Variants in LRRN1 observed in about 807,000 individuals in gnomAD.
LRRN1 encodes the protein leucine rich repeat neuronal 1.
LRRN1 carries 14 observed loss-of-function variants against 45.8 expected under a neutral mutation model. The ratio of observed to expected loss-of-function variants is 0.31; its 90% confidence interval spans 0.20 to 0.48. The LOEUF (loss-of-function observed/expected upper bound fraction) is 0.48. Ranked by LOEUF, LRRN1 falls within the 20% of genes least tolerant of loss-of-function variation. LRRN1 has a pLI of 0.99. For synonymous variants in LRRN1, 359 were observed against 330.1 expected (o/e 1.09, Z -0.95); for missense variants, 789 against 874.2 (o/e 0.90, Z 1.23).
intron 1 of LRRN1, among the ~76,000 whole-genome samples, chr3:3,814,013 T>C (rs1287735643): frequency 2.0e-5 from 3 of 151,914 alleles, no homozygotes; most frequent in Admixed American, 6.6e-5. Flanking sequence ...CTCCCTCCCC[T>C]GTCTGCACAT....
At chr3:3,842,383 T>C (rs1342862511) in intron 1 of LRRN1, among the ~76,000 whole-genome samples, 1 of 151,894 alleles carries the variant, frequency 6.6e-6, no homozygotes, top group African/African-American at 2.4e-5. Context: ...GTCTCACACT[T>C]GCCAGAATCT....
chr3:3,816,850 A>G lies in LRRN1; in HGVS notation c.-279+16931A>G, dbSNP rs1276424733. ...TGGTATCACAGAAAGGCCCTGTGCA[A>G]CGAACTTGACTTTAACTTCAGCTGG... On this transcript the variant is annotated intron_variant, in intron 1 of 1. Transcript: ENST00000319331. The surrounding 1 kb of genome is among the most constrained non-coding windows in gnomAD (Gnocchi z 4.0). Among the ~76,000 whole-genome samples, 1 of 152,192 alleles carries G rather than the reference A, an allele frequency of 6.6e-6. No individual in the cohort carries two copies. Among genetic ancestry groups the G allele is most frequent in the Non-Finnish European group, 1.5e-5 (1 of 68,042 alleles).
At chr3:3,818,939 G>A (rs1476660790) in intron 1 of LRRN1, among the ~76,000 whole-genome samples, 1 of 152,050 alleles carries the variant, frequency 6.6e-6, no homozygotes, top group African/African-American at 2.4e-5. Flanking sequence ...GATAAAATAA[G>A]CATTCATATA....
chr3:3,836,549 C>G (rs1181711293), intron 1 of LRRN1, among the ~76,000 whole-genome samples: 1 of 151,988 alleles, frequency 6.6e-6, no homozygotes, highest in Non-Finnish European at 1.5e-5. Flanking sequence ...ATGTACACAC[C>G]ACATTTTCGT....
At chr3:3,844,104 A>C (rs1693703241) in intron 1 of LRRN1, among the ~76,000 whole-genome samples, 1 of 152,174 alleles carries the variant, frequency 6.6e-6, no homozygotes. Flanking sequence ...AAATGTACAC[A>C]GTCATATATG....
intron 1 of LRRN1, among the ~76,000 whole-genome samples, chr3:3,821,457 T>C (rs1037603381): frequency 1.3e-5 from 2 of 152,124 alleles, no homozygotes; most frequent in Non-Finnish European, 2.9e-5. Flanking sequence ...ACATGTACCT[T>C]TTCTTTTTTT....
chr3:3,838,890 A>G (rs1004920375), intron 1 of LRRN1, among the ~76,000 whole-genome samples: 3 of 152,092 alleles, frequency 2.0e-5, no homozygotes, highest in Admixed American at 6.6e-5. Flanking sequence ...GGAGTTTATA[A>G]TATATTCTGG....
intron 1 of LRRN1, among the ~76,000 whole-genome samples, chr3:3,810,077 G>C (rs1692844073): frequency 6.6e-6 from 1 of 152,224 alleles, no homozygotes; most frequent in Non-Finnish European, 1.5e-5. Context: ...GGATTCCACT[G>C]ATGTGCTTTG....
At position 3,799,565 on chromosome 3, in the gene LRRN1, AGGCGCCTGG is replaced by A. The variant is rs1432795498; in HGVS notation, c.-625_-617del. On this transcript the variant is annotated 5_prime_UTR_variant, in exon 1 of 2. Coordinates refer to ENST00000319331, the MANE Select transcript of LRRN1 (RefSeq NM_020873.7). ...CGTCAGCCCGGGCGGCGGCATCCCT[AGGCGCCTGG>A]GGCGCCTTCCTCCGGACCTGGCCGC... 8 of 152,038 alleles carry A rather than the reference AGGCGCCTGG, an allele frequency of 5.3e-5. 1 individual carries two copies. Among genetic ancestry groups the A allele is most frequent in the Admixed American group, 5.2e-4 (8 of 15,262 alleles). 9.4% of individuals were successfully genotyped at this position (152,038 alleles called of 1,614,324 possible).
chr3:3,844,755 T>C lies in LRRN1; in HGVS notation c.114T>C (p.Cys38=), dbSNP rs1329718361. The change falls in exon 2 of 2, where the codon TGT becomes TGC. Residue 38 remains cysteine, a synonymous_variant. Transcript: ENST00000319331. The stretch of plus-strand genomic sequence containing the variant: ...GTGAGTGTCCACAACTTTGCGTATG[T>C]GAAATTCGTCCCTGGTTTACCCCAC... ...QNSECPQLCV[C]EIRPWFTPQS... 7 of 1,614,034 alleles carry C rather than the reference T, an allele frequency of 4.3e-6. No homozygotes were observed. In the South Asian group the frequency reaches 7.7e-5, roughly 18 times the overall value.
At chr3:3,800,480 C>T (rs62247368) in intron 1 of LRRN1, among the ~76,000 whole-genome samples, 11,117 of 151,904 alleles carry the variant, frequency 0.073, 484 homozygotes, top group Non-Finnish European at 0.083. Flanking sequence ...TGACAAGGCA[C>T]TGAAAGTATT....
Position 3,846,924 on chromosome 3 carries a change from G to C in LRRN1, c.*132G>C, listed in dbSNP as rs2106473733. The C allele has an allele frequency of 1.4e-6, 1 of 728,408 alleles. No individual in the cohort carries two copies. Among genetic ancestry groups the C allele is most frequent in the Non-Finnish European group, 2.2e-6 (1 of 458,004 alleles). The allele number at this position is 728,408 out of a possible 1,614,324, so 45.1% of individuals were successfully genotyped here. On this transcript the variant is annotated 3_prime_UTR_variant, in exon 2 of 2. Transcript: ENST00000319331. This position sits in a 1 kb window ranked among gnomAD's most constrained non-coding sequence, Gnocchi z 5.7. Reference sequence around the variant, plus strand: ...TGTGGCAGAGTGGAGAGGACGGGTGGATATTTCAAATTTTTTTAGTATAGC... The same window carrying C: ...TGTGGCAGAGTGGAGAGGACGGGTGCATATTTCAAATTTTTTTAGTATAGC...
rs201278689 is a variant in LRRN1, at chr3:3,846,828, C to G, written c.*36C>G. The G allele has an allele frequency of 4.6e-5, 69 of 1,506,652 alleles. No homozygotes were observed. Among genetic ancestry groups the G allele is most frequent in the Non-Finnish European group, 6.1e-5 (68 of 1,115,240 alleles). 93.3% of individuals were successfully genotyped at this position (1,506,652 alleles called of 1,614,324 possible). A position where few individuals can be genotyped will look rare whatever the true frequency, so the allele number is the denominator to read the frequency against. On this transcript the variant is annotated 3_prime_UTR_variant, in exon 2 of 2. Transcript: ENST00000319331. The surrounding 1 kb of genome is among the most constrained non-coding windows in gnomAD (Gnocchi z 5.7). ...ATTTTGCTTCTGGTAGTAAGGAGCA[C>G]AAAGACGTTTTTGCTTTATTCTGCA...
At chr3:3,833,669 T>C in intron 1 of LRRN1, among the ~76,000 whole-genome samples, 1 of 152,096 alleles carries the variant, frequency 6.6e-6, no homozygotes, top group Non-Finnish European at 1.5e-5. Context: ...AGAATCAACA[T>C]TATTTTGCCT....
chr3:3,815,128 C>T (rs1190918927), intron 1 of LRRN1, among the ~76,000 whole-genome samples: 1 of 152,146 alleles, frequency 6.6e-6, no homozygotes, highest in Non-Finnish European at 1.5e-5. Flanking sequence ...GCTACTGTGG[C>T]ATAACCAAAA....
chr3:3,830,161 C>G (rs918869446), intron 1 of LRRN1, among the ~76,000 whole-genome samples: 1 of 152,126 alleles, frequency 6.6e-6, no homozygotes, highest in African/African-American at 2.4e-5. Context: ...GTCATCCTAT[C>G]CAGTTGATTA....
rs1479087406 is a variant in LRRN1, at chr3:3,829,474, C to T, written c.-278-14890C>T. ...ACTTCCACCTGTTGATTCCTGGACC[C>T]ATGAATTCTAGCTATGGGACAAACA... On this transcript the variant is annotated intron_variant, in intron 1 of 1. Transcript: ENST00000319331. Among the ~76,000 whole-genome samples, 5 of 152,240 alleles carry T rather than the reference C, an allele frequency of 3.3e-5. No homozygotes were observed. In the South Asian group the frequency reaches 1.0e-3, roughly 32 times the overall value.
chr3:3,840,183 G>C (rs1182823028), intron 1 of LRRN1, among the ~76,000 whole-genome samples: 1 of 152,074 alleles, frequency 6.6e-6, no homozygotes, highest in Non-Finnish European at 1.5e-5. Flanking sequence ...TTTTTATCAT[G>C]AAAAAGTGTT....
At chr3:3,805,544 G>C (rs1004377022) in intron 1 of LRRN1, among the ~76,000 whole-genome samples, 4 of 152,134 alleles carry the variant, frequency 2.6e-5, no homozygotes, top group African/African-American at 9.7e-5. Context: ...AAAGGATCCA[G>C]GAACACTGGT....
Sources: gnomAD v4.1 joint callset for allele counts (sites outside exome capture counted in the v4.1 genomes callset) on GRCh38, gnomAD v4.1.1 for gene constraint, Gnocchi (gnomAD v3.1) non-coding constraint, MANE v1.5 for transcripts, NCBI Gene and HGNC (gene_info 2026-07-23, HGNC 2026-07-21) for gene names.